IL1RL1: variants seen among roughly 807,000 people sequenced by gnomAD.
IL1RL1 encodes interleukin-1 receptor-like 1.
In IL1RL1, 32 loss-of-function variants were observed where a neutral mutation model predicts 50.9. The observed-to-expected ratio is 0.63, with a 90% confidence interval of 0.47 to 0.84. IL1RL1 has a LOEUF of 0.84. Ranked by LOEUF, IL1RL1 falls within the 40% of genes least tolerant of loss-of-function variation. The pLI is 0.00. For missense variants in IL1RL1, 773 were observed against 662.9 expected, an observed-to-expected ratio of 1.17 and a Z score of -1.82; for synonymous variants, 275 against 236.0, an observed-to-expected ratio of 1.17 and a Z score of -1.51.
intron 8 of IL1RL1, chr2:102,344,987 A>G (rs1677727360): frequency 1.1e-6 from 1 of 948,346 alleles, no homozygotes; most frequent in African/African-American, 1.8e-5. Flanking sequence ...ACACTATATA[A>G]TCTTTTAAAA....
chr2:102,314,633 A>G (rs571413717), intron 1 of IL1RL1, among the ~76,000 whole-genome samples: 2 of 152,334 alleles, frequency 1.3e-5, no homozygotes, highest in Admixed American at 6.5e-5. Flanking sequence ...AGCCCATTCT[A>G]TGATTGGAAC....
In IL1RL1 at chr2:102,340,139, A is replaced by G; in HGVS notation, c.314A>G (p.Tyr105Cys). ...ACTGGATATGCGAATGTCACCATAT[A>G]TAAAAAACAATCAGATTGCAATGTT... The part of the protein sequence containing the change: ...NRTGYANVTI[Y>C]KKQSDCNVPD... The change falls in exon 4 of 11, where the codon TAT (tyrosine) becomes TGT (cysteine). Residue 105 changes from tyrosine (Y) to cysteine (C), a missense_variant. Physicochemically the swap from Tyr to Cys is radical, Grantham distance 194 (BLOSUM62 -2). Coordinates refer to ENST00000233954, the MANE Select transcript of IL1RL1 (RefSeq NM_016232.5). The G allele has an allele frequency of 1.3e-6, 2 of 1,585,756 alleles. No individual in the cohort carries two copies. Among genetic ancestry groups the G allele is most frequent in the Non-Finnish European group, 1.7e-6 (2 of 1,165,974 alleles).
At chr2:102,344,653 G>A in intron 8 of IL1RL1, 1 of 542,062 alleles carries the variant, frequency 1.8e-6, no homozygotes, top group Non-Finnish European at 2.4e-6. Flanking sequence ...TGGGTCCTTA[G>A]TGCAATACCT....
intron 1 of IL1RL1, among the ~76,000 whole-genome samples, chr2:102,319,459 G>A (rs1211052132): frequency 6.6e-6 from 1 of 152,100 alleles, no homozygotes; most frequent in Non-Finnish European, 1.5e-5. Context: ...ACAAAATGAA[G>A]GTAAATATTA....
chr2:102,330,196 T>C (rs1231576995), intron 1 of IL1RL1, among the ~76,000 whole-genome samples: 3 of 152,118 alleles, frequency 2.0e-5, no homozygotes, highest in African/African-American at 7.2e-5. Flanking sequence ...TGTAGGGACA[T>C]GGATGAAACT....
chr2:102,339,109 C>A (rs1018584764), intron 3 of IL1RL1, 62 bp downstream of exon 3: 8 of 1,133,866 alleles, frequency 7.1e-6, no homozygotes, highest in South Asian at 1.2e-5. Context: ...TGGTTGATTG[C>A]CTGAGCTGCC....
downstream of IL1RL1, among the ~76,000 whole-genome samples, chr2:102,352,244 T>TC (rs1677956416): frequency 6.7e-6 from 1 of 149,606 alleles, no homozygotes. Context: ...TCCTCATTCT[T>TC]GTCAATAATC....
chr2:102,340,740 G>A lies in IL1RL1; in HGVS notation c.522G>A (p.Glu174=). 1 of 1,599,094 alleles carries A rather than the reference G, an allele frequency of 6.3e-7. No individual in the cohort carries two copies. Among genetic ancestry groups the A allele is most frequent in the South Asian group, 1.1e-5 (1 of 88,764 alleles). ...SFLVIDNVMT[E]DAGDYTCKFI... ...TGGTCATTGATAATGTGATGACTGA[G>A]GACGCAGGTGATTACACCTGTAAAT... The change falls in exon 5 of 11, where the codon GAG becomes GAA. Residue 174 remains glutamate (E), a synonymous_variant. Coordinates refer to ENST00000233954, the MANE Select transcript of IL1RL1 (RefSeq NM_016232.5).
chr2:102,325,874 G>C (rs1239056728), intron 1 of IL1RL1, among the ~76,000 whole-genome samples: 3 of 152,250 alleles, frequency 2.0e-5, no homozygotes, highest in Non-Finnish European at 2.9e-5. Context: ...ATCTACATCT[G>C]ATTGGTATAC....
At chr2:102,322,501 T>C (rs1321991573) in intron 1 of IL1RL1, among the ~76,000 whole-genome samples, 1 of 152,242 alleles carries the variant, frequency 6.6e-6, no homozygotes, top group African/African-American at 2.4e-5. Context: ...AGGAGCTTGA[T>C]GATAAAATAT....
intron 8 of IL1RL1, chr2:102,346,015 T>C: frequency 1.0e-6 from 1 of 983,982 alleles, no homozygotes; most frequent in Non-Finnish European, 1.2e-6. Context: ...AGCTTATTTG[T>C]ATTTCACCTG....
chr2:102,328,944 C>T (rs1329816358), intron 1 of IL1RL1, among the ~76,000 whole-genome samples: 4 of 152,280 alleles, frequency 2.6e-5, no homozygotes, highest in South Asian at 2.1e-4. Flanking sequence ...ATGCCATCCC[C>T]ATCAAGCTAC....
At chr2:102,327,152 C>A (rs1228467557) in intron 1 of IL1RL1, among the ~76,000 whole-genome samples, 2 of 152,104 alleles carry the variant, frequency 1.3e-5, no homozygotes, top group Non-Finnish European at 2.9e-5. Context: ...ATAACAAACT[C>A]TCTCTTAGAC....
intron 1 of IL1RL1, among the ~76,000 whole-genome samples, chr2:102,331,626 T>A (rs1347555913): frequency 1.3e-5 from 2 of 152,128 alleles, no homozygotes; most frequent in Non-Finnish European, 2.9e-5. Flanking sequence ...CATCTTCCGA[T>A]AAGATAAAAG....
chr2:102,346,571 C>A (rs1397515763), intron 8 of IL1RL1, among the ~76,000 whole-genome samples: 10 of 152,176 alleles, frequency 6.6e-5, no homozygotes, highest in African/African-American at 2.2e-4. Flanking sequence ...TCCCAGCAAT[C>A]CCCACAGGAA....
At chr2:102,314,245 A>G (rs1263461912) in intron 1 of IL1RL1, among the ~76,000 whole-genome samples, 1 of 152,186 alleles carries the variant, frequency 6.6e-6, no homozygotes, top group Non-Finnish European at 1.5e-5. Context: ...TTATGATGAT[A>G]GTGCTGTGAA....
chr2:102,341,991 A>G (rs1010630953), intron 5 of IL1RL1, among the ~76,000 whole-genome samples: 1 of 152,000 alleles, frequency 6.6e-6, no homozygotes, highest in African/African-American at 2.4e-5. Flanking sequence ...GAATAATGAT[A>G]TTAAAGAGCA....
intron 5 of IL1RL1, among the ~76,000 whole-genome samples, 155 bp downstream of exon 5, chr2:102,340,983 G>A (rs1272105682): frequency 6.6e-6 from 1 of 152,130 alleles, no homozygotes; most frequent in African/African-American, 2.4e-5. Flanking sequence ...ATGACGCAAA[G>A]AGGTTTTCTG....
At position 102,340,681 on chromosome 2, in the gene IL1RL1, C is replaced by T; in HGVS notation, c.463C>T (p.Gln155Ter). 1 of 1,588,372 alleles carries T rather than the reference C, an allele frequency of 6.3e-7. No individual in the cohort carries two copies. The highest frequency in any genetic ancestry group is 8.5e-7 in the Non-Finnish European group (1 of 1,173,118). Residue 155 changes from glutamine (Q) to a stop codon, truncating the protein, a stop_gained, in exon 5 of 11, where the codon CAA becomes TAA. Transcript: ENST00000233954. LOFTEE classifies it high-confidence loss of function. Reference protein sequence around the residue: ...LEWFKNCQALQGSRYRAHKSF... With the variant: ...LEWFKNCQAL Reference sequence around the variant, plus strand: ...CTTATTTCAGAATTGTCAGGCTCTTCAAGGATCAAGGTACAGGGCGCACAA... The same window carrying T: ...CTTATTTCAGAATTGTCAGGCTCTTTAAGGATCAAGGTACAGGGCGCACAA...
Sources: allele counts gnomAD v4.1 joint callset (sites outside exome capture counted in the v4.1 genomes callset), GRCh38; gene constraint gnomAD v4.1.1; transcripts MANE v1.5; gene names NCBI Gene and HGNC (gene_info 2026-07-23, HGNC 2026-07-21).